The following P2RX7 variants were observed in gnomAD, a reference collection of about 807,000 sequenced individuals.
P2RX7 encodes P2X purinoceptor 7.
A neutral mutation model predicts 71.6 loss-of-function variants in P2RX7; 62 were observed. The ratio of observed to expected loss-of-function variants is 0.87; its 90% confidence interval spans 0.71 to 1.07. P2RX7 has a LOEUF of 1.07. Among genes scored for constraint, P2RX7 ranks in the 50% least tolerant of loss-of-function variants. The pLI is 0.00. For synonymous variants in P2RX7, 299 were observed against 283.3 expected (o/e 1.06, Z -0.56); for missense variants, 686 against 748.5 (o/e 0.92, Z 0.97).
intron 11 of P2RX7, among the ~76,000 whole-genome samples, chr12:121,178,787 G>C (rs1883592054): frequency 1.2e-5 from 1 of 82,404 alleles, no homozygotes; most frequent in South Asian, 3.9e-4. Context: ...GGGAAACTCT[G>C]TCTCAAAAAA....
rs181051563 is a variant in P2RX7, at chr12:121,155,274, C to G, written c.294+321C>G. 1.6e-5 allele frequency: 21 copies of G among 1,333,052 alleles called. 1 individual carries two copies. Among genetic ancestry groups the G allele is most frequent in the Middle Eastern group, 4.1e-4 (2 of 4,932 alleles). 82.6% of individuals were successfully genotyped at this position (1,333,052 alleles called of 1,614,324 possible). Reference sequence around the variant, plus strand: ...CAGCCACCAAGCCAGCAAGGTCTGCCGAGATTCAGAAGGACAGAGAACTTT... The same window carrying G: ...CAGCCACCAAGCCAGCAAGGTCTGCGGAGATTCAGAAGGACAGAGAACTTT... On this transcript the variant is annotated intron_variant, in intron 2 of 12. Coordinates refer to ENST00000328963, the MANE Select transcript of P2RX7 (RefSeq NM_002562.6).
chr12:121,180,405 C>T lies in P2RX7; in HGVS notation c.1240C>T (p.Gln414Ter). 1 of 1,607,030 alleles carries T rather than the reference C, an allele frequency of 6.2e-7. No homozygotes were observed. Among genetic ancestry groups the T allele is most frequent in the Non-Finnish European group, 8.5e-7 (1 of 1,176,334 alleles). ...VDESHIRMVN[Q>*]QLLGRSLQDV... ...TGAATCCCACATTAGGATGGTGAAC[C>T]AGCAGCTACTAGGGAGAAGTCTGCA... The change falls in exon 12 of 13, where the codon CAG (glutamine) becomes TAG (stop). Residue 414 changes from glutamine (Q) to a stop codon, truncating the protein, a stop_gained. Transcript: ENST00000328963. LOFTEE classifies it low-confidence loss of function (END_TRUNC).
rs371681179 is a variant in P2RX7 at position 121,149,777 on chromosome 12, C to T, written c.126-5008C>T. On this transcript the variant is annotated intron_variant, in intron 1 of 12. Transcript: ENST00000328963. This position sits in a 1 kb window ranked among gnomAD's most constrained non-coding sequence, Gnocchi z 4.7. Reference sequence around the variant, plus strand: ...AGAGACTGGAGTCTCACTGTGTTGCCCAGGCTTGTCTTGAACTCCTGGGCT... The same window carrying T: ...AGAGACTGGAGTCTCACTGTGTTGCTCAGGCTTGTCTTGAACTCCTGGGCT... Among the ~76,000 whole-genome samples, 5 of 152,058 alleles carry T rather than the reference C, an allele frequency of 3.3e-5. No homozygotes were observed. The highest frequency in any genetic ancestry group is 1.2e-4 in the African/African-American group (5 of 41,462).
chr12:121,134,224 A>G (rs1202642850), intron 1 of P2RX7, among the ~76,000 whole-genome samples: 4 of 152,224 alleles, frequency 2.6e-5, no homozygotes, highest in African/African-American at 9.6e-5. Flanking sequence ...AAGAGTAAAA[A>G]TTGCTAGGTC....
chr12:121,184,193 G>A (rs1048276918), intron 12 of P2RX7, 112 bp from the exon 13 acceptor site: 16 of 1,291,912 alleles, frequency 1.2e-5, no homozygotes, highest in South Asian at 1.0e-4. Context: ...AATAAATGAC[G>A]GCTACTATAA....
At chr12:121,162,146 C>T (rs527387313) in intron 4 of P2RX7, 5 of 919,968 alleles carry the variant, frequency 5.4e-6, no homozygotes, top group East Asian at 1.0e-4. Flanking sequence ...CTGTTCCGCT[C>T]CCCTCATGGG....
chr12:121,162,568 A>T (rs1332528857), intron 5 of P2RX7, 48 bp downstream of exon 5: 6 of 1,600,360 alleles, frequency 3.7e-6, no homozygotes, highest in Non-Finnish European at 5.1e-6. Context: ...CGGCGACCAG[A>T]TGAGGCCTTG....
Position 121,154,635 on chromosome 12 carries a change from C to G in P2RX7, c.126-150C>G. 1 of 673,524 alleles carries G rather than the reference C, an allele frequency of 1.5e-6. No individual in the cohort carries two copies. Among genetic ancestry groups the G allele is most frequent in the Non-Finnish European group, 2.7e-6 (1 of 372,004 alleles). The allele number at this position is 673,524 out of a possible 1,614,324, so 41.7% of individuals were successfully genotyped here. ...CATGAGGCAGGTATGACTATTCTTC[C>G]CATTATCCAGAGAGGGAAAACAAGT... On this transcript the variant is annotated intron_variant, in intron 1 of 12. Coordinates refer to ENST00000328963, the MANE Select transcript of P2RX7 (RefSeq NM_002562.6). This position sits in a 1 kb window ranked among gnomAD's most constrained non-coding sequence, Gnocchi z 4.2.
At chr12:121,169,733 C>A (rs1881795526) in intron 8 of P2RX7, among the ~76,000 whole-genome samples, 1 of 152,036 alleles carries the variant, frequency 6.6e-6, no homozygotes, top group Non-Finnish European at 1.5e-5. Flanking sequence ...TAGGGAGACC[C>A]CATCTCTACA....
Position 121,187,799 on chromosome 12 carries a change from T to G in P2RX7, c.*2997T>G, listed in dbSNP as rs1885018980. The stretch of plus-strand genomic sequence containing the variant: ...GTCACGTTTTGTAGGATCTGTTTTC[T>G]TATACTTAAAGACAGACTTCTGCTA... On this transcript the variant is annotated 3_prime_UTR_variant, in exon 13 of 13. Transcript: ENST00000328963. 6.6e-6 allele frequency: 1 copy of G among 152,206 alleles called. No homozygotes were observed. The highest frequency in any genetic ancestry group is 2.4e-5 in the African/African-American group (1 of 41,452). The allele number at this position is 152,206 out of a possible 1,614,324, so 9.4% of individuals were successfully genotyped here.
chr12:121,163,513 C>T (rs191937917), intron 5 of P2RX7, among the ~76,000 whole-genome samples: 40 of 151,268 alleles, frequency 2.6e-4, no homozygotes, highest in African/African-American at 7.3e-4. Context: ...ACATGAAATG[C>T]GACTACTGAA....
intron 11 of P2RX7, among the ~76,000 whole-genome samples, chr12:121,178,238 T>A (rs1204444975): frequency 6.6e-6 from 1 of 152,120 alleles, no homozygotes; most frequent in Non-Finnish European, 1.5e-5. Context: ...AAATTATCAA[T>A]AATATATGAT....
chr12:121,160,659 T>TTGTA (rs1879486376), intron 3 of P2RX7, among the ~76,000 whole-genome samples: 1 of 152,234 alleles, frequency 6.6e-6, no homozygotes. Context: ...TCCATCCATG[T>TTGTA]TGTAGCCTGT....
In P2RX7 at chr12:121,135,286, C is replaced by T. The variant is rs191172832; in HGVS notation, c.125+2191C>T. Among the ~76,000 whole-genome samples the T allele has an allele frequency of 3.4e-3, 524 of 151,972 alleles. 2 individuals are homozygous for T. Among genetic ancestry groups the T allele is most frequent in the African/African-American group, 0.012 (487 of 41,442 alleles). On this transcript the variant is annotated intron_variant, in intron 1 of 12. Coordinates refer to ENST00000328963, the MANE Select transcript of P2RX7 (RefSeq NM_002562.6). ...CCCGGAGGCGGAGGTTGCAGTGAGCCAAGATCAAGCCACTGCACTCCAGCC... is the reference window on the plus strand; with the variant it reads ...CCCGGAGGCGGAGGTTGCAGTGAGCTAAGATCAAGCCACTGCACTCCAGCC...
At chr12:121,179,820 A>C (rs1442014038) in intron 11 of P2RX7, among the ~76,000 whole-genome samples, 1 of 152,234 alleles carries the variant, frequency 6.6e-6, no homozygotes, top group Non-Finnish European at 1.5e-5. Flanking sequence ...AACATTAAGC[A>C]GTAAGCTGTG....
chr12:121,175,360 A>G (rs374957484), intron 8 of P2RX7, 28 bp from the exon 9 acceptor site: 32 of 1,490,172 alleles, frequency 2.1e-5, no homozygotes, highest in Non-Finnish European at 3.0e-5. Flanking sequence ...AAGGGATCTT[A>G]CAAATACAGA....
At chr12:121,168,256 C>A (rs2857590) in intron 8 of P2RX7, among the ~76,000 whole-genome samples, 58,675 of 151,064 alleles carry the variant, frequency 0.39, 11,830 homozygotes, top group African/African-American at 0.45. Flanking sequence ...ACAATTCAGG[C>A]AGTGTTTTCT....
intron 3 of P2RX7, 29 bp from the exon 4 acceptor site, chr12:121,160,873 T>TC: frequency 1.9e-6 from 3 of 1,541,056 alleles, no homozygotes; most frequent in Non-Finnish European, 2.7e-6. Flanking sequence ...CGTCACTTAC[T>TC]CCCCACTCTG....
intron 6 of P2RX7, among the ~76,000 whole-genome samples, 169 bp downstream of exon 6, chr12:121,165,606 T>G (rs1373526130): frequency 3.3e-5 from 5 of 152,208 alleles, no homozygotes; most frequent in Admixed American, 2.0e-4. Flanking sequence ...TCTGTCAGGT[T>G]GTAGCCAAGC....
Sources: allele counts gnomAD v4.1 joint callset (sites outside exome capture counted in the v4.1 genomes callset), GRCh38; gene constraint gnomAD v4.1.1; non-coding constraint Gnocchi (gnomAD v3.1); transcripts MANE v1.5; gene names NCBI Gene and HGNC (gene_info 2026-07-23, HGNC 2026-07-21).